Variants in ITGA3 observed in about 807,000 individuals in gnomAD.
The protein encoded by ITGA3 is integrin alpha-3.
In ITGA3, 70 loss-of-function variants were observed where a neutral mutation model predicts 131.1. The ratio of observed to expected loss-of-function variants is 0.53; its 90% CI spans 0.44 to 0.65. ITGA3 has a LOEUF of 0.65. Ranked by LOEUF, ITGA3 falls within the 30% of genes least tolerant of loss-of-function variation. The pLI, the probability that ITGA3 is intolerant of heterozygous loss-of-function variation, is 0.00. For synonymous variants in ITGA3, 537 were observed against 571.6 expected, an observed-to-expected ratio of 0.94 and a Z score of 0.86; for missense variants, 1,098 against 1,388.6, an observed-to-expected ratio of 0.79 and a Z score of 3.33.
In ITGA3 at chr17:50,064,081, C is replaced by A; in HGVS notation, c.211C>A (p.Leu71Met). Reference protein sequence around the residue: ...QTERQQRYLLLAGAPRELAVP... With the variant: ...QTERQQRYLLMAGAPRELAVP... ...CACCTCCGTCCCTATCCCCAGGCTC[C>A]TGGCTGGTGCCCCCCGGGAGCTCGC... The change falls in exon 2 of 26, where the codon CTG (leucine) becomes ATG (methionine). Residue 71 changes from leucine (L) to methionine (M), a missense_variant. Physicochemically the swap from Leu to Met is conservative, Grantham distance 15. Around this residue, in one of 3 missense-constraint regions of ITGA3, gnomAD observed 356 missense variants for 529.2 expected, o/e 0.67. Coordinates refer to ENST00000320031, the MANE Select transcript of ITGA3 (RefSeq NM_002204.4). This position sits in a 1 kb window ranked among gnomAD's most constrained non-coding sequence, Gnocchi z 4.4. The A allele has an allele frequency of 6.2e-7, 1 of 1,612,914 alleles. No homozygotes were observed. Among genetic ancestry groups the A allele is most frequent in the Non-Finnish European group, 8.5e-7 (1 of 1,179,736 alleles).
At position 50,071,292 on chromosome 17, in the gene ITGA3, C is replaced by T. The variant is rs776514708; in HGVS notation, c.752-19C>T. ...GAAGTTGACTGGGACCTTGGTTGAA[C>T]ATCTTCCCTCTATCCCAGGGTACAC... On this transcript the variant is annotated intron_variant, in intron 5 of 25. Coordinates refer to ENST00000320031, the MANE Select transcript of ITGA3 (RefSeq NM_002204.4). 2 of 1,609,578 alleles carry T rather than the reference C, an allele frequency of 1.2e-6. No individual in the cohort carries two copies. Among genetic ancestry groups the T allele is most frequent in the Non-Finnish European group, 1.7e-6 (2 of 1,177,068 alleles).
intron 1 of ITGA3, among the ~76,000 whole-genome samples, chr17:50,058,756 G>A (rs1050636274): frequency 6.6e-6 from 1 of 152,258 alleles, no homozygotes; most frequent in African/African-American, 2.4e-5. Flanking sequence ...GCAGCCAGCT[G>A]TGTAGCCAGA....
At chr17:50,066,032 C>CAAAAAAA (rs1183511362) in intron 3 of ITGA3, 1 of 38,720 alleles carries the variant, frequency 2.6e-5, no homozygotes, top group East Asian at 7.5e-4. Flanking sequence ...GACTCCATCT[C>CAAAAAAA]AAAAAAAAAA....
In ITGA3 at chr17:50,078,919, A is replaced by C. The variant is rs1199661906; in HGVS notation, c.2393A>C (p.Glu798Ala). The C allele has an allele frequency of 6.2e-7, 1 of 1,601,458 alleles. No homozygotes were observed. The highest frequency in any genetic ancestry group is 2.2e-5 in the East Asian group (1 of 44,824). ...GATGTAGGAAGCCCCCTCAAGTATG[A>C]ATTCCAGGTAAGGGGCTCGCCAGAG... ...VEDVGSPLKYEFQVGPMGEGL... is the reference protein window; with the variant it reads ...VEDVGSPLKYAFQVGPMGEGL... The change falls in exon 19 of 26, where the codon GAA (glutamate) becomes GCA (alanine). Residue 798 changes from glutamate (E) to alanine (A), a missense_variant. Physicochemically the swap from Glu to Ala is moderately radical, Grantham distance 107 (BLOSUM62 -1). Transcript: ENST00000320031.
At chr17:50,071,803 T>A (rs745488359) in intron 6 of ITGA3, 183 bp from the exon 7 acceptor site, 1 of 629,084 alleles carries the variant, frequency 1.6e-6, no homozygotes, top group Non-Finnish European at 2.8e-6. Flanking sequence ...TGTCTTCTAT[T>A]TGGTGGGTCA....
chr17:50,067,918 G>A, intron 3 of ITGA3, 138 bp from the exon 4 acceptor site: 1 of 1,131,218 alleles, frequency 8.8e-7, no homozygotes, highest in South Asian at 1.5e-5. Flanking sequence ...GCAGGTTTAA[G>A]TATCACTGGG....
In ITGA3 at chr17:50,078,134, C is replaced by A; in HGVS notation, c.2219+9C>A. 6.2e-7 allele frequency: 1 copy of A among 1,613,418 alleles called. No individual in the cohort carries two copies. Among genetic ancestry groups the A allele is most frequent in the Non-Finnish European group, 8.5e-7 (1 of 1,179,422 alleles). On this transcript the variant is annotated intron_variant, in intron 17 of 25. Transcript: ENST00000320031. ...CAGCTGCAGCTCTCCACGTGAGTGA[C>A]CTCGAAAAGCCAGTCTGGGTCAGGG... is the stretch of plus-strand genomic sequence containing the variant.
chr17:50,074,511 T>C lies in ITGA3; in HGVS notation c.1446T>C (p.Pro482=), dbSNP rs760023842. 6.2e-7 allele frequency: 1 copy of C among 1,613,348 alleles called. No individual in the cohort carries two copies. The highest frequency in any genetic ancestry group is 8.5e-7 in the Non-Finnish European group (1 of 1,179,372). The stretch of plus-strand genomic sequence containing the variant: ...TGCCCAGGCCAGCTGTGCTGGACCC[T>C]GCACTTTGCACGGCCACCTCTTGGT... The part of the protein sequence containing the change: ...TLVPRPAVLD[P]ALCTATSCVQ... The change falls in exon 10 of 26, where the codon CCT becomes CCC. Residue 482 remains proline (P), a synonymous_variant. Transcript: ENST00000320031.
intron 3 of ITGA3, among the ~76,000 whole-genome samples, chr17:50,066,239 C>T: frequency 6.6e-6 from 1 of 151,876 alleles, no homozygotes; most frequent in East Asian, 1.9e-4. Flanking sequence ...AGTGATCCTC[C>T]TGCCTTGGCC....
At chr17:50,088,146 G>T in intron 24 of ITGA3, 79 bp from the exon 25 acceptor site, 14 of 1,492,238 alleles carry the variant, frequency 9.4e-6, no homozygotes, top group Non-Finnish European at 1.3e-5. Context: ...CAGCCCTAAA[G>T]CCCTGGTCCA....
chr17:50,060,555 G>A lies in ITGA3; in HGVS notation c.207-3522G>A, dbSNP rs1201828064. Among the ~76,000 whole-genome samples, 5 of 152,182 alleles carry A rather than the reference G, an allele frequency of 3.3e-5. No individual in the cohort carries two copies. The East Asian group carries it at 9.6e-4, about 29-fold the overall frequency. ...CGGAACTTGGAGCTCAAGGGGCTCC[G>A]CAGAGGCCAAGAGGGGCTGTTTGGC... On this transcript the variant is annotated intron_variant, in intron 1 of 25. Coordinates refer to ENST00000320031, the MANE Select transcript of ITGA3 (RefSeq NM_002204.4).
At chr17:50,074,388 A>C in intron 9 of ITGA3, 60 bp from the exon 10 acceptor site, 2 of 1,600,178 alleles carry the variant, frequency 1.2e-6, no homozygotes, top group Admixed American at 3.4e-5. Context: ...CCTGGGCCCC[A>C]ACTCTGGCCT....
chr17:50,073,492 G>A (rs558700151), intron 7 of ITGA3, among the ~76,000 whole-genome samples: 3 of 152,212 alleles, frequency 2.0e-5, no homozygotes, highest in Non-Finnish European at 4.4e-5. Flanking sequence ...TTGGGAGGCT[G>A]AGGTGGGAGG....
intron 1 of ITGA3, chr17:50,063,790 T>A: frequency 2.4e-6 from 1 of 414,824 alleles, no homozygotes; most frequent in Non-Finnish European, 4.4e-6. Context: ...AGAACCCTGG[T>A]GATTGTCCTC....
At chr17:50,071,001 G>A in intron 5 of ITGA3, 71 bp downstream of exon 5, 1 of 999,426 alleles carries the variant, frequency 1.0e-6, no homozygotes, top group Non-Finnish European at 1.6e-6. Flanking sequence ...GAAAGGTGAG[G>A]CCAGAGTGCA....
intron 3 of ITGA3, 53 bp from the exon 4 acceptor site, chr17:50,068,003 T>C: frequency 6.2e-7 from 1 of 1,606,584 alleles, no homozygotes; most frequent in Non-Finnish European, 8.5e-7. Flanking sequence ...AAGAGACAGC[T>C]GACCCGGGTC....
In ITGA3 at chr17:50,081,397, A is replaced by C. The variant is rs1385580934; in HGVS notation, c.2908A>C (p.Lys970Gln). Reference protein sequence around the residue: ...TSIPTINMENKTTWFSVDIDS... With the variant: ...TSIPTINMENQTTWFSVDIDS... ...CATCCCCACCATCAACATGGAGAAC[A>C]AGACCACGTGGGTGAGTGCGCATGT... The change falls in exon 23 of 26, where the codon AAG becomes CAG. Residue 970 changes from lysine (K) to glutamine (Q), a missense_variant. Around this residue, in one of 3 missense-constraint regions of ITGA3, gnomAD observed 699 missense variants for 829.2 expected, o/e 0.84. Coordinates refer to ENST00000320031, the MANE Select transcript of ITGA3 (RefSeq NM_002204.4). 1 of 1,579,402 alleles carries C rather than the reference A, an allele frequency of 6.3e-7. No individual in the cohort carries two copies. The highest frequency in any genetic ancestry group is 8.6e-7 in the Non-Finnish European group (1 of 1,160,586).
At chr17:50,081,501 A>G in intron 23 of ITGA3, 93 bp downstream of exon 23, 2 of 926,920 alleles carry the variant, frequency 2.2e-6, no homozygotes, top group South Asian at 3.0e-5. Context: ...CTTCAGCCAT[A>G]TGGTTCTCAA....
chr17:50,078,572 C>A (rs1909034560), intron 18 of ITGA3, among the ~76,000 whole-genome samples: 1 of 152,160 alleles, frequency 6.6e-6, no homozygotes, highest in African/African-American at 2.4e-5. Context: ...TATACATCAT[C>A]TCAATGACTT....
Sources: gnomAD v4.1 joint callset for allele counts (sites outside exome capture counted in the v4.1 genomes callset) on GRCh38, gnomAD v4.1.1 for gene constraint, gnomAD v4.1.1 regional missense constraint, Gnocchi (gnomAD v3.1) non-coding constraint, MANE v1.5 for transcripts, NCBI Gene and HGNC (gene_info 2026-07-23, HGNC 2026-07-21) for gene names.